The following INPP4B variants were observed in gnomAD, a reference collection of about 807,000 sequenced individuals.
INPP4B encodes inositol polyphosphate-4-phosphatase type II B.
In INPP4B, 55 loss-of-function variants were observed where a neutral mutation model predicts 122.5. The observed-to-expected ratio is 0.45, with a 90% CI of 0.36 to 0.56. The LOEUF is 0.56. Among genes scored for constraint, INPP4B ranks in the 20% least tolerant of loss-of-function variants. The pLI is 0.00. For synonymous variants in INPP4B, 403 were observed against 388.7 expected, an observed-to-expected ratio of 1.04 and a Z score of -0.43; for missense variants, 1,000 against 1,097.7, an observed-to-expected ratio of 0.91 and a Z score of 1.26.
intron 5 of INPP4B, 108 bp from the exon 6 acceptor site, chr4:142,405,432 C>G: frequency 1.4e-6 from 1 of 690,622 alleles, no homozygotes; most frequent in Non-Finnish European, 2.6e-6. Flanking sequence ...AAGGAAATCT[C>G]CTGGGGCTCA....
intron 23 of INPP4B, among the ~76,000 whole-genome samples, chr4:142,098,359 C>CA (rs1283834957): frequency 2.0e-5 from 3 of 151,130 alleles, no homozygotes; most frequent in African/African-American, 7.3e-5. Context: ...ACAACAACAA[C>CA]AACAAAAAAA....
rs74806525 is a variant in INPP4B at position 142,816,111 on chromosome 4, T to A, written c.-254+30098A>T. On this transcript the variant is annotated intron_variant, in intron 1 of 25. Coordinates refer to ENST00000262992, the MANE Select transcript of INPP4B (RefSeq NM_001101669.3). ...AGGACAGAAAGAAATGCATGTCTTC[T>A]GCTTCTCTTCCTAGCAGGCCCTCTT... is the stretch of plus-strand genomic sequence containing the variant. Among the ~76,000 whole-genome samples, 80 of 152,272 alleles carry A rather than the reference T, an allele frequency of 5.3e-4. 4 individuals are homozygous for A. The East Asian group carries it at 0.014, about 26-fold the overall frequency.
chr4:142,775,719 TA>T (rs1012189742), intron 1 of INPP4B, among the ~76,000 whole-genome samples: 39 of 152,234 alleles, frequency 2.6e-4, no homozygotes, highest in African/African-American at 9.4e-4. Flanking sequence ...TATGTCCATT[TA>T]AAAAATCAGA....
intron 2 of INPP4B, among the ~76,000 whole-genome samples, chr4:142,499,474 A>G (rs149972326): frequency 6.6e-6 from 1 of 152,292 alleles, no homozygotes; most frequent in East Asian, 1.9e-4. Context: ...GTATATATAA[A>G]CTACAGTATG....
rs1485855077 is a variant in INPP4B at position 142,028,551 on chromosome 4, A to G, written c.*231T>C. ...TCAATCAGCTAGGCTCAACACATAG[A>G]AGCTTAGAACTAGAAATGACAGTAC... On this transcript the variant is annotated 3_prime_UTR_variant, in exon 26 of 26. Transcript: ENST00000262992. The G allele has an allele frequency of 2.0e-6, 1 of 493,514 alleles. No homozygotes were observed. Among genetic ancestry groups the G allele is most frequent in the African/African-American group, 1.9e-5 (1 of 51,744 alleles). 30.6% of individuals were successfully genotyped at this position (493,514 alleles called of 1,614,324 possible).
At chr4:142,776,356 G>A (rs1773918723) in intron 1 of INPP4B, among the ~76,000 whole-genome samples, 1 of 152,076 alleles carries the variant, frequency 6.6e-6, no homozygotes, top group South Asian at 2.1e-4. Flanking sequence ...TCTTCAGCAG[G>A]TATGAAAGGG....
intron 7 of INPP4B, among the ~76,000 whole-genome samples, chr4:142,339,413 T>C (rs756044535): frequency 2.6e-5 from 4 of 152,226 alleles, no homozygotes; most frequent in Non-Finnish European, 4.4e-5. Context: ...AGTACTCTTT[T>C]TCTATAGAGC....
At chr4:142,228,481 T>C (rs574557323) in intron 12 of INPP4B, among the ~76,000 whole-genome samples, 25 of 152,194 alleles carry the variant, frequency 1.6e-4, no homozygotes, top group Admixed American at 7.2e-4. Flanking sequence ...GTTGTCACTG[T>C]TTAATTTTCT....
chr4:142,772,318 G>A (rs77923987), intron 1 of INPP4B, among the ~76,000 whole-genome samples: 64 of 152,252 alleles, frequency 4.2e-4, no homozygotes, highest in Non-Finnish European at 9.1e-4. Flanking sequence ...GTGTGGAGGC[G>A]TGTGTCTCTG....
chr4:142,795,614 C>T (rs1056283766), intron 1 of INPP4B: 3 of 151,946 alleles, frequency 2.0e-5, no homozygotes, highest in Non-Finnish European at 2.9e-5. Context: ...CTTCACGAGG[C>T]TGTGTGAAAA....
Position 142,170,723 on chromosome 4 carries a change from A to G in INPP4B, c.1359+2909T>C, listed in dbSNP as rs141819616. ...AATGCTAGCTATTACTGTCACTTCA[A>G]CATCGTAATAACCACTACTATCGAG... On this transcript the variant is annotated intron_variant, in intron 16 of 25. Coordinates refer to ENST00000262992, the MANE Select transcript of INPP4B (RefSeq NM_001101669.3). Among the ~76,000 whole-genome samples, 17 of 151,940 alleles carry G rather than the reference A, an allele frequency of 1.1e-4. No individual in the cohort carries two copies. The East Asian group carries it at 3.3e-3, about 29-fold the overall frequency.
chr4:142,438,235 G>T (rs1170231246), intron 3 of INPP4B, among the ~76,000 whole-genome samples: 1 of 152,060 alleles, frequency 6.6e-6, no homozygotes, highest in East Asian at 1.9e-4. Context: ...AAAAGAGCCT[G>T]TATAACAAAT....
chr4:142,802,574 C>T (rs1323798251), intron 1 of INPP4B, among the ~76,000 whole-genome samples: 1 of 152,104 alleles, frequency 6.6e-6, no homozygotes, highest in Non-Finnish European at 1.5e-5. Context: ...CCAAATTCCA[C>T]ATTCAGTTGT....
intron 10 of INPP4B, among the ~76,000 whole-genome samples, chr4:142,265,656 A>C (rs1189285547): frequency 6.6e-6 from 1 of 152,218 alleles, no homozygotes; most frequent in East Asian, 1.9e-4. Flanking sequence ...CTTTATCAAA[A>C]ATTTGCAAAA....
intron 2 of INPP4B, among the ~76,000 whole-genome samples, chr4:142,512,543 C>A (rs908400654): frequency 6.6e-6 from 1 of 152,110 alleles, no homozygotes; most frequent in Admixed American, 6.6e-5. Flanking sequence ...ATAATGTAAA[C>A]ATTACTACTT....
intron 7 of INPP4B, among the ~76,000 whole-genome samples, chr4:142,384,513 C>A (rs540581079): frequency 6.4e-4 from 97 of 151,936 alleles, no homozygotes; most frequent in African/African-American, 2.3e-3. Context: ...ATTTGTATAT[C>A]TAAACATATC....
At chr4:142,831,262 C>A (rs1467196564) in intron 1 of INPP4B, among the ~76,000 whole-genome samples, 1 of 152,128 alleles carries the variant, frequency 6.6e-6, no homozygotes, top group Non-Finnish European at 1.5e-5. Context: ...AGTTATTCCA[C>A]CAGATCTAAG....
intron 2 of INPP4B, among the ~76,000 whole-genome samples, chr4:142,607,964 C>T (rs552722750): frequency 1.8e-4 from 27 of 152,262 alleles, no homozygotes; most frequent in African/African-American, 6.0e-4. Context: ...CACCATGAAA[C>T]CTTCCCAGGA....
At chr4:142,289,162 T>A (rs1376818992) in intron 9 of INPP4B, among the ~76,000 whole-genome samples, 2 of 150,860 alleles carry the variant, frequency 1.3e-5, no homozygotes, top group East Asian at 3.8e-4. Context: ...AAAATATACT[T>A]TTAGCAGTGA....
Sources: allele counts gnomAD v4.1 joint callset (sites outside exome capture counted in the v4.1 genomes callset), GRCh38; gene constraint gnomAD v4.1.1; transcripts MANE v1.5; gene names NCBI Gene and HGNC (gene_info 2026-07-23, HGNC 2026-07-21).